The following UST variants were observed in gnomAD, a reference collection of about 807,000 sequenced individuals.
UST encodes chondroitin sulfate 2-O-sulfotransferase.
Under a neutral mutation model 45.6 loss-of-function variants are expected in UST, and 21 were observed. That is an observed-to-expected ratio of 0.46 (90% CI 0.33 to 0.66). UST has a LOEUF of 0.66. Among genes scored for constraint, UST ranks in the 30% least tolerant of loss-of-function variants. UST has a pLI of 0.02. For synonymous variants in UST, 215 were observed against 200.6 expected (o/e 1.07, Z -0.61); for missense variants, 463 against 512.4 (o/e 0.90, Z 0.93).
chr6:148,817,957 T>C (rs1582830650), intron 1 of UST, among the ~76,000 whole-genome samples: 1 of 152,078 alleles, frequency 6.6e-6, no homozygotes, highest in African/African-American at 2.4e-5. Flanking sequence ...AATGACAGAG[T>C]TGAGTGATTG....
At chr6:149,010,250 T>G (rs1342607457) in intron 5 of UST, among the ~76,000 whole-genome samples, 2 of 152,218 alleles carry the variant, frequency 1.3e-5, no homozygotes, top group Non-Finnish European at 2.9e-5. Flanking sequence ...GTTAGCCAGT[T>G]TGACTCCATC....
At chr6:148,897,720 GCTTCAAGTGATC>G (rs1192318429) in intron 2 of UST, among the ~76,000 whole-genome samples, 3 of 151,516 alleles carry the variant, frequency 2.0e-5, no homozygotes, top group Admixed American at 1.3e-4. Context: ...TGAACCCCTG[GCTTCAAGTGATC>G]CTTCTGCCTC....
At chr6:149,039,100 T>A (rs920745586) in intron 7 of UST, among the ~76,000 whole-genome samples, 1 of 152,108 alleles carries the variant, frequency 6.6e-6, no homozygotes, top group Admixed American at 6.5e-5. Flanking sequence ...GGTTTTAGTT[T>A]CTCCTGTAGA....
Position 148,785,621 on chromosome 6 carries a change from CAT to C in UST, c.247+37945_247+37946del, listed in dbSNP as rs150654310. Among the ~76,000 whole-genome samples, 699 of 152,274 alleles carry C rather than the reference CAT, an allele frequency of 4.6e-3. 3 individuals carry two copies. The highest frequency in any genetic ancestry group is 0.016 in the African/African-American group (669 of 41,560). On this transcript the variant is annotated intron_variant, in intron 1 of 7. Transcript: ENST00000367463. ...CATTCTGGATAATAGAAGTATAGTACATGTCTTTCTGGTTAAAAAGAATTACA... is the reference window on the plus strand; with the variant it reads ...CATTCTGGATAATAGAAGTATAGTACGTCTTTCTGGTTAAAAAGAATTACA...
chr6:148,808,244 C>CT (rs1224525415), intron 1 of UST, among the ~76,000 whole-genome samples: 1 of 152,202 alleles, frequency 6.6e-6, no homozygotes, highest in Non-Finnish European at 1.5e-5. Flanking sequence ...GGGACATTCG[C>CT]TTTTCTTACC....
intron 1 of UST, among the ~76,000 whole-genome samples, chr6:148,844,958 T>C (rs956567288): frequency 9.9e-5 from 15 of 152,146 alleles, no homozygotes; most frequent in African/African-American, 3.6e-4. Context: ...CATGGTTTCA[T>C]TGTTGTTGTT....
intron 1 of UST, among the ~76,000 whole-genome samples, chr6:148,759,321 C>G (rs1473995799): frequency 6.6e-6 from 1 of 151,816 alleles, no homozygotes; most frequent in Non-Finnish European, 1.5e-5. Context: ...GTCAGGAGAT[C>G]GAGACCATCC....
chr6:149,060,780 G>A (rs1562343119), intron 7 of UST, among the ~76,000 whole-genome samples: 1 of 152,210 alleles, frequency 6.6e-6, no homozygotes, highest in Non-Finnish European at 1.5e-5. Context: ...AGATGAGTAA[G>A]TCAGTTTCTT....
intron 1 of UST, among the ~76,000 whole-genome samples, chr6:148,842,197 C>T (rs961995990): frequency 1.3e-5 from 2 of 152,230 alleles, no homozygotes; most frequent in East Asian, 1.9e-4. Flanking sequence ...TCTGCCATTA[C>T]GGTATAGAAA....
At chr6:148,901,838 C>T (rs1425899491) in intron 2 of UST, among the ~76,000 whole-genome samples, 2 of 152,126 alleles carry the variant, frequency 1.3e-5, no homozygotes, top group Non-Finnish European at 1.5e-5. Context: ...GGATTACAGG[C>T]GTGAGCCACT....
chr6:148,847,364 T>C (rs1316597225), intron 1 of UST, among the ~76,000 whole-genome samples: 1 of 152,224 alleles, frequency 6.6e-6, no homozygotes, highest in Non-Finnish European at 1.5e-5. Flanking sequence ...CAGGTCAACG[T>C]GGGCTGGTGG....
At chr6:148,864,140 G>T (rs918137787) in intron 1 of UST, among the ~76,000 whole-genome samples, 1 of 152,190 alleles carries the variant, frequency 6.6e-6, no homozygotes, top group Non-Finnish European at 1.5e-5. Context: ...CTTGAGCTGC[G>T]GTGGGCTCCA....
Position 148,790,675 on chromosome 6 carries a change from C to T in UST, c.247+42998C>T, listed in dbSNP as rs1443088741. Among the ~76,000 whole-genome samples, 1 of 152,168 alleles carries T rather than the reference C, an allele frequency of 6.6e-6. No homozygotes were observed. The highest frequency in any genetic ancestry group is 6.5e-5 in the Admixed American group (1 of 15,288). On this transcript the variant is annotated intron_variant, in intron 1 of 7. Coordinates refer to ENST00000367463, the MANE Select transcript of UST (RefSeq NM_005715.3). This position sits in a 1 kb window ranked among gnomAD's most constrained non-coding sequence, Gnocchi z 4.2. ...CCTTCAGCCTGGAAGGAGTGCTGTG[C>T]CCCGTGTGGAAGGAAACCTCCTCGC...
chr6:149,047,717 C>A (rs1022049936), intron 7 of UST, among the ~76,000 whole-genome samples: 4 of 152,136 alleles, frequency 2.6e-5, no homozygotes, highest in Admixed American at 6.5e-5. Flanking sequence ...CATGTTCATG[C>A]ATGAAAATAT....
chr6:148,874,693 C>G, intron 1 of UST, among the ~76,000 whole-genome samples: 1 of 152,092 alleles, frequency 6.6e-6, no homozygotes, highest in East Asian at 1.9e-4. Context: ...TTAAATAAAG[C>G]TGTGCCAGCA....
chr6:149,004,832 T>C (rs1366889978), intron 5 of UST, among the ~76,000 whole-genome samples: 1 of 152,076 alleles, frequency 6.6e-6, no homozygotes, highest in Non-Finnish European at 1.5e-5. Context: ...GCTGATCACG[T>C]GCCTTTTGTG....
chr6:149,019,557 TGAC>T (rs1368066656), intron 6 of UST, among the ~76,000 whole-genome samples: 2 of 152,098 alleles, frequency 1.3e-5, no homozygotes, highest in Non-Finnish European at 2.9e-5. Flanking sequence ...TTGGATAAAA[TGAC>T]AAAATGTCAC....
At chr6:149,030,566 A>G (rs927954053) in intron 7 of UST, among the ~76,000 whole-genome samples, 4 of 152,176 alleles carry the variant, frequency 2.6e-5, no homozygotes, top group African/African-American at 7.2e-5. Flanking sequence ...AGGAATCATC[A>G]TAGATGATTG....
At chr6:149,010,989 G>T (rs923407652) in intron 5 of UST, among the ~76,000 whole-genome samples, 3 of 149,712 alleles carry the variant, frequency 2.0e-5, no homozygotes, top group African/African-American at 7.4e-5. Context: ...GAATCCAAAT[G>T]AATGACTTCA....
Sources: gnomAD v4.1 joint callset for allele counts (sites outside exome capture counted in the v4.1 genomes callset) on GRCh38, gnomAD v4.1.1 for gene constraint, Gnocchi (gnomAD v3.1) non-coding constraint, MANE v1.5 for transcripts, NCBI Gene and HGNC (gene_info 2026-07-23, HGNC 2026-07-21) for gene names.